Variants in SGCD observed in about 807,000 individuals in gnomAD.
SGCD encodes the protein sarcoglycan delta, also known as delta-sarcoglycan.
SGCD carries 18 observed loss-of-function variants against 36.6 expected under a neutral mutation model. The observed-to-expected ratio is 0.49, with a 90% confidence interval of 0.34 to 0.73. SGCD has a LOEUF of 0.73. SGCD is among the 30% of genes least tolerant of loss of function. SGCD has a pLI of 0.01. For synonymous variants in SGCD, 133 were observed against 130.6 expected (o/e 1.02, Z -0.12); for missense variants, 387 against 346.7 (o/e 1.12, Z -0.92).
At chr5:156,169,019 A>C (rs1436066061) in intron 3 of SGCD, among the ~76,000 whole-genome samples, 1 of 152,222 alleles carries the variant, frequency 6.6e-6, no homozygotes, top group Admixed American at 6.5e-5. Flanking sequence ...GGCTGACAGG[A>C]GAAACATCTG....
At chr5:156,248,953 A>C (rs768264887) in intron 3 of SGCD, among the ~76,000 whole-genome samples, 3 of 152,182 alleles carry the variant, frequency 2.0e-5, no homozygotes, top group Non-Finnish European at 4.4e-5. Context: ...TTGCTCACCA[A>C]ATTATTTAAA....
chr5:156,133,961 A>G (rs1561533626), intron 3 of SGCD, among the ~76,000 whole-genome samples: 2 of 130,030 alleles, frequency 1.5e-5, no homozygotes, highest in East Asian at 4.4e-4. Flanking sequence ...ACACACACAC[A>G]GTTTCTCTCT....
intron 7 of SGCD, among the ~76,000 whole-genome samples, chr5:156,749,000 G>A (rs1350990737): frequency 6.6e-6 from 1 of 152,054 alleles, no homozygotes; most frequent in Admixed American, 6.6e-5. Context: ...GCTGACTTCA[G>A]ATGATCTGCC....
At chr5:156,208,352 A>T (rs979722332) in intron 3 of SGCD, among the ~76,000 whole-genome samples, 2 of 152,208 alleles carry the variant, frequency 1.3e-5, no homozygotes, top group Non-Finnish European at 2.9e-5. Context: ...AAAATAAAGT[A>T]ATTTGTGCTT....
At chr5:156,380,930 A>G (rs997879080) in intron 3 of SGCD, among the ~76,000 whole-genome samples, 6 of 152,218 alleles carry the variant, frequency 3.9e-5, no homozygotes, top group Non-Finnish European at 5.9e-5. Flanking sequence ...CATTGTGTGC[A>G]TGGTGGTAGC....
At chr5:155,968,873 G>C (rs1217635621) in intron 1 of SGCD, among the ~76,000 whole-genome samples, 3 of 152,078 alleles carry the variant, frequency 2.0e-5, no homozygotes. Context: ...ATATTAGCTG[G>C]TGCATACAGC....
At chr5:156,188,665 A>ACCACC (rs749449803) in intron 3 of SGCD, among the ~76,000 whole-genome samples, 8 of 118,456 alleles carry the variant, frequency 6.8e-5, no homozygotes, top group African/African-American at 1.1e-4. Flanking sequence ...GACCACCCCA[A>ACCACC]CCGCCCCCCC....
chr5:156,012,992 C>A (rs1758891721), intron 1 of SGCD, among the ~76,000 whole-genome samples: 1 of 146,544 alleles, frequency 6.8e-6, no homozygotes, highest in African/African-American at 2.5e-5. Flanking sequence ...CAAGTAGTGT[C>A]TTTTCATTTC....
At position 156,001,271 on chromosome 5, in the gene SGCD, C is replaced by A. The variant is rs556812519; in HGVS notation, c.-281-116607C>A. On this transcript the variant is annotated intron_variant, in intron 1 of 9. Transcript: ENST00000517913. ...TAACGAAATGAAGATTTTTGAAAAG[C>A]CTTCAAAACAAAATGCAAGTGAATG... 5.3e-5 allele frequency among the ~76,000 whole-genome samples: 8 copies of A among 152,204 alleles called. No homozygotes were observed. The East Asian group carries it at 1.3e-3, about 26-fold the overall frequency.
At chr5:156,016,493 T>C (rs923853381) in intron 1 of SGCD, among the ~76,000 whole-genome samples, 1 of 152,170 alleles carries the variant, frequency 6.6e-6, no homozygotes, top group African/African-American at 2.4e-5. Flanking sequence ...TCCCATCCCT[T>C]ATCTTTTCCA....
intron 1 of SGCD, among the ~76,000 whole-genome samples, chr5:155,908,764 G>T (rs1261237857): frequency 6.6e-6 from 1 of 152,040 alleles, no homozygotes; most frequent in Non-Finnish European, 1.5e-5. Flanking sequence ...TCTCTTTCGG[G>T]CTGGGGACCT....
chr5:156,282,973 C>T (rs1480912822), intron 3 of SGCD, among the ~76,000 whole-genome samples: 1 of 152,040 alleles, frequency 6.6e-6, no homozygotes, highest in African/African-American at 2.4e-5. Flanking sequence ...GGCTGAAATT[C>T]TTAGCTGTGT....
intron 3 of SGCD, among the ~76,000 whole-genome samples, chr5:156,472,471 G>A (rs1446009632): frequency 6.6e-6 from 1 of 152,134 alleles, no homozygotes; most frequent in African/African-American, 2.4e-5. Context: ...AGTCTGGAGT[G>A]CAGTGGCATG....
the SGCD span, among the ~76,000 whole-genome samples, chr5:155,752,552 C>T: frequency 6.6e-6 from 1 of 152,274 alleles, no homozygotes; most frequent in East Asian, 1.9e-4. Context: ...TTTTGTTGCC[C>T]TTCCAGTTAC....
chr5:156,281,118 A>G (rs1440969733), intron 3 of SGCD, among the ~76,000 whole-genome samples: 1 of 152,218 alleles, frequency 6.6e-6, no homozygotes, highest in Non-Finnish European at 1.5e-5. Flanking sequence ...TGAGAGGGAA[A>G]TGGAAAGGAA....
At chr5:155,875,904 C>T (rs978375989) in intron 1 of SGCD, among the ~76,000 whole-genome samples, 13 of 151,872 alleles carry the variant, frequency 8.6e-5, no homozygotes, top group East Asian at 1.9e-4. Context: ...TGTGATATTT[C>T]GAGGACTGAT....
chr5:156,645,537 C>G (rs1368629630), intron 6 of SGCD, among the ~76,000 whole-genome samples: 1 of 152,100 alleles, frequency 6.6e-6, no homozygotes, highest in Non-Finnish European at 1.5e-5. Flanking sequence ...GATATTTGCT[C>G]ATAGCTCATA....
chr5:155,755,899 C>T, the SGCD span, among the ~76,000 whole-genome samples: 1 of 152,126 alleles, frequency 6.6e-6, no homozygotes, highest in Non-Finnish European at 1.5e-5. Flanking sequence ...TGGTTTTTGT[C>T]TTCTGTCATT....
the SGCD span, among the ~76,000 whole-genome samples, chr5:155,728,246 G>T: frequency 6.6e-6 from 1 of 151,458 alleles, no homozygotes; most frequent in Non-Finnish European, 1.5e-5. Flanking sequence ...CCGGGACTCC[G>T]GCACGTGGGC....
Sources: gnomAD v4.1 joint callset for allele counts (sites outside exome capture counted in the v4.1 genomes callset) on GRCh38, gnomAD v4.1.1 for gene constraint, MANE v1.5 for transcripts, NCBI Gene and HGNC (gene_info 2026-07-23, HGNC 2026-07-21) for gene names.